Variants in METTL15 observed in about 807,000 individuals in gnomAD.
METTL15 encodes methyltransferase 15, mitochondrial 12S rRNA N4-cytidine.
In METTL15, 34 loss-of-function variants were observed where a neutral mutation model predicts 38.3. The ratio of observed to expected loss-of-function variants is 0.89; its 90% CI spans 0.68 to 1.18. The LOEUF (loss-of-function observed/expected upper bound fraction) is 1.18. Ranked by LOEUF, METTL15 falls within the 50% of genes most tolerant of loss-of-function variation. The pLI is 0.00. For synonymous variants in METTL15, 162 were observed against 170.9 expected, an observed-to-expected ratio of 0.95 and a Z score of 0.41; for missense variants, 438 against 498.4, an observed-to-expected ratio of 0.88 and a Z score of 1.15.
chr11:28,219,755 G>A (rs1033122109), intron 4 of METTL15, among the ~76,000 whole-genome samples: 4 of 151,970 alleles, frequency 2.6e-5, no homozygotes, highest in African/African-American at 9.7e-5. Flanking sequence ...ATTCTGGTAT[G>A]TTGTTTCTTT....
In METTL15 at chr11:28,211,110, C is replaced by G. The variant is rs769401298; in HGVS notation, c.319C>G (p.Leu107Val). The G allele has an allele frequency of 6.2e-7, 1 of 1,612,188 alleles. No homozygotes were observed. The highest frequency in any genetic ancestry group is 8.5e-7 in the Non-Finnish European group (1 of 1,179,090). Residue 107 changes from leucine (L) to valine (V), a missense_variant, in exon 4 of 7, where the codon CTG becomes GTG. Coordinates refer to ENST00000407364, the MANE Select transcript of METTL15 (RefSeq NM_001113528.2). ...TTCGGGAGGGCACACAAAAGCCATT[C>G]TGCAGAAGGAGTCAGATATTGTTCT... ...FGSGGHTKAI[L>V]QKESDIVLYA... is the part of the protein sequence containing the mutation.
At chr11:28,288,799 AC>A (rs1326257222) in intron 4 of METTL15, among the ~76,000 whole-genome samples, 1 of 152,100 alleles carries the variant, frequency 6.6e-6, no homozygotes, top group Non-Finnish European at 1.5e-5. Flanking sequence ...CTGCACATGT[AC>A]CCCTGAACTT....
At chr11:28,248,903 C>G (rs1348680681) in intron 4 of METTL15, among the ~76,000 whole-genome samples, 2 of 151,980 alleles carry the variant, frequency 1.3e-5, no homozygotes, top group Non-Finnish European at 2.9e-5. Context: ...TAATCTTGAA[C>G]ACAAATAATA....
At chr11:28,221,209 A>G (rs1409124959) in intron 4 of METTL15, among the ~76,000 whole-genome samples, 1 of 152,158 alleles carries the variant, frequency 6.6e-6, no homozygotes, top group Non-Finnish European at 1.5e-5. Flanking sequence ...AATCAGATGT[A>G]GATTTGGTCT....
intron 5 of METTL15, among the ~76,000 whole-genome samples, chr11:28,393,927 A>G (rs1456404938): frequency 6.6e-6 from 1 of 152,006 alleles, no homozygotes; most frequent in Non-Finnish European, 1.5e-5. Flanking sequence ...CAAATTGAGC[A>G]ACTGCTTCTC....
chr11:28,330,920 G>A lies in METTL15; in HGVS notation c.*79G>A. The A allele has an allele frequency of 9.3e-7, 1 of 1,072,082 alleles. No individual in the cohort carries two copies. Among genetic ancestry groups the A allele is most frequent in the Non-Finnish European group, 1.3e-6 (1 of 752,430 alleles). The allele number at this position is 1,072,082 out of a possible 1,614,324, so 66.4% of individuals were successfully genotyped here. On this transcript the variant is annotated 3_prime_UTR_variant, in exon 7 of 7. Transcript: ENST00000407364. ...CTCATGTTATGTCCCTGAATGTCTT[G>A]GTATAGGTTTAAGTGTGGGACAGTC...
intron 6 of METTL15, among the ~76,000 whole-genome samples, chr11:28,455,033 A>G (rs1851155741): frequency 6.6e-6 from 1 of 152,112 alleles, no homozygotes; most frequent in South Asian, 2.1e-4. Flanking sequence ...TTCAGGAAAT[A>G]GTGGTTCAGT....
intron 3 of METTL15, among the ~76,000 whole-genome samples, chr11:28,133,134 G>A (rs1453352853): frequency 6.6e-6 from 1 of 152,124 alleles, no homozygotes; most frequent in Non-Finnish European, 1.5e-5. Context: ...CGAAAAGTAA[G>A]ATCTTAGGGT....
chr11:28,145,784 T>C (rs977410725), intron 3 of METTL15: 12 of 152,128 alleles, frequency 7.9e-5, no homozygotes, highest in African/African-American at 2.9e-4. Context: ...TTCATATTAA[T>C]GTTTTGTAAT....
At chr11:28,268,054 G>A (rs1031820904) in intron 4 of METTL15, among the ~76,000 whole-genome samples, 4 of 151,186 alleles carry the variant, frequency 2.6e-5, no homozygotes, top group Non-Finnish European at 1.5e-5. Flanking sequence ...AAAATTAGCC[G>A]GGCATAGTGG....
At chr11:28,361,009 A>C (rs899446186) in intron 4 of METTL15, among the ~76,000 whole-genome samples, 10 of 152,030 alleles carry the variant, frequency 6.6e-5, no homozygotes, top group African/African-American at 2.2e-4. Context: ...TTATGACTGC[A>C]TAGTATTCCA....
intron 5 of METTL15, among the ~76,000 whole-genome samples, chr11:28,396,068 A>T (rs1416794746): frequency 2.0e-5 from 3 of 152,158 alleles, no homozygotes; most frequent in Non-Finnish European, 4.4e-5. Flanking sequence ...AAAAACTCTC[A>T]ATAAATTAGG....
chr11:28,468,119 C>T (rs1851272920), intron 6 of METTL15, among the ~76,000 whole-genome samples: 1 of 152,176 alleles, frequency 6.6e-6, no homozygotes, highest in Non-Finnish European at 1.5e-5. Context: ...AATGGTGACA[C>T]ACCCCAAGTG....
intron 6 of METTL15, among the ~76,000 whole-genome samples, chr11:28,311,510 G>A (rs778108968): frequency 2.0e-5 from 3 of 152,114 alleles, no homozygotes; most frequent in Non-Finnish European, 2.9e-5. Context: ...GCTCTTCAAG[G>A]ATAGAGCAAC....
At chr11:28,214,573 A>C (rs942424310) in intron 4 of METTL15, among the ~76,000 whole-genome samples, 1 of 152,178 alleles carries the variant, frequency 6.6e-6, no homozygotes, top group Admixed American at 6.5e-5. Flanking sequence ...ATTCTTATTT[A>C]AATTTCTGTT....
chr11:28,389,243 T>TC (rs397799217), intron 5 of METTL15, among the ~76,000 whole-genome samples: 2 of 150,500 alleles, frequency 1.3e-5, no homozygotes, highest in Non-Finnish European at 3.0e-5. Context: ...TCTTTTTTTT[T>TC]ATTATACTTT....
intron 6 of METTL15, among the ~76,000 whole-genome samples, chr11:28,306,930 A>G (rs1334699814): frequency 6.6e-6 from 1 of 151,966 alleles, no homozygotes; most frequent in East Asian, 1.9e-4. Context: ...AAATTATGGA[A>G]TATCTAGGAA....
intron 6 of METTL15, among the ~76,000 whole-genome samples, chr11:28,503,522 G>A (rs1851601483): frequency 1.3e-5 from 2 of 152,336 alleles, no homozygotes; most frequent in South Asian, 4.1e-4. Context: ...GCTGGGTGTG[G>A]TGGCTCACAC....
At chr11:28,193,630 T>C (rs968054617) in intron 3 of METTL15, among the ~76,000 whole-genome samples, 1 of 152,148 alleles carries the variant, frequency 6.6e-6, no homozygotes, top group African/African-American at 2.4e-5. Context: ...CATAATTGTT[T>C]ATATACTGTT....
Sources: gnomAD v4.1 joint callset for allele counts (sites outside exome capture counted in the v4.1 genomes callset) on GRCh38, gnomAD v4.1.1 for gene constraint, MANE v1.5 for transcripts, NCBI Gene and HGNC (gene_info 2026-07-23, HGNC 2026-07-21) for gene names.